Variants in TBC1D1 observed in about 807,000 individuals in gnomAD.
The protein encoded by TBC1D1 is TBC1 domain family member 1.
Under a neutral mutation model 125.6 loss-of-function variants are expected in TBC1D1, and 89 were observed. The observed-to-expected ratio is 0.71, with a 90% CI of 0.60 to 0.85. TBC1D1 has a LOEUF of 0.85. TBC1D1 is among the 40% of genes least tolerant of loss of function. TBC1D1 has a pLI of 0.00. For missense variants in TBC1D1, 1,377 were observed against 1,469.2 expected (o/e 0.94, Z 1.03); for synonymous variants, 565 against 564.1 (o/e 1.00, Z -0.02).
chr4:37,927,003 A>G (rs185807155), intron 2 of TBC1D1, among the ~76,000 whole-genome samples: 59 of 152,132 alleles, frequency 3.9e-4, no homozygotes, highest in Non-Finnish European at 5.7e-4. Context: ...TGTAACCCCA[A>G]TGTAATTCTC....
At chr4:38,077,993 G>A (rs1446851796) in intron 12 of TBC1D1, among the ~76,000 whole-genome samples, 3 of 152,132 alleles carry the variant, frequency 2.0e-5, no homozygotes, top group South Asian at 2.1e-4. Context: ...CAGACCAGAC[G>A]CTAGAGTCCA....
Position 38,095,950 on chromosome 4 carries a change from AC to A in TBC1D1, c.2259del (p.Asn753LysfsTer4). 6.2e-7 allele frequency: 1 copy of A among 1,613,800 alleles called. No homozygotes were observed. Among genetic ancestry groups the A allele is most frequent in the Non-Finnish European group, 8.5e-7 (1 of 1,179,872 alleles). On this transcript the variant is annotated frameshift_variant, in exon 14 of 20. Transcript: ENST00000261439. LOFTEE classifies it high-confidence loss of function. ...CCAGCCTCTGAAAATGATTTGCTGA[AC>A]AAGCGCCTGAAGCTCGATTATGAAG...
chr4:37,992,588 G>A (rs966815969), intron 2 of TBC1D1, among the ~76,000 whole-genome samples: 2 of 146,552 alleles, frequency 1.4e-5, no homozygotes, highest in African/African-American at 2.5e-5. Flanking sequence ...TCCGCCTCCC[G>A]GGTTCACGCC....
intron 2 of TBC1D1, among the ~76,000 whole-genome samples, chr4:37,918,913 T>C (rs1720311084): frequency 6.6e-6 from 1 of 152,208 alleles, no homozygotes; most frequent in Admixed American, 6.5e-5. Flanking sequence ...TATAACATTA[T>C]GAAAATGTTC....
chr4:37,971,731 T>G (rs1408621882), intron 2 of TBC1D1, among the ~76,000 whole-genome samples: 2 of 152,230 alleles, frequency 1.3e-5, no homozygotes, highest in South Asian at 2.1e-4. Flanking sequence ...TGGTTCTTGA[T>G]CCTGGCTGAT....
intron 1 of TBC1D1, among the ~76,000 whole-genome samples, chr4:37,900,145 A>G (rs890595028): frequency 6.6e-6 from 1 of 150,706 alleles, no homozygotes; most frequent in African/African-American, 2.5e-5. Flanking sequence ...AAAAAAAAAA[A>G]GTAAGGAAGG....
chr4:38,042,079 G>A (rs1279519144), intron 8 of TBC1D1, among the ~76,000 whole-genome samples: 2 of 151,910 alleles, frequency 1.3e-5, no homozygotes, highest in Admixed American at 1.3e-4. Flanking sequence ...GGGAGGCTGA[G>A]GCATGAGAAT....
chr4:38,047,051 C>T (rs150187876), intron 10 of TBC1D1, among the ~76,000 whole-genome samples: 15 of 152,332 alleles, frequency 9.8e-5, no homozygotes, highest in Middle Eastern at 3.4e-3. Flanking sequence ...CATACCTACA[C>T]ATTCACACAC....
chr4:38,085,333 G>A (rs1757307124), intron 12 of TBC1D1, among the ~76,000 whole-genome samples: 1 of 152,184 alleles, frequency 6.6e-6, no homozygotes, highest in Non-Finnish European at 1.5e-5. Context: ...CATAATTTAA[G>A]TGCTCCACAT....
intron 12 of TBC1D1, among the ~76,000 whole-genome samples, chr4:38,076,604 T>G (rs1225561917): frequency 6.6e-6 from 1 of 152,020 alleles, no homozygotes; most frequent in East Asian, 1.9e-4. Flanking sequence ...ACCTAGAATA[T>G]AGAATGGAAG....
chr4:38,063,880 C>T (rs578057554), intron 12 of TBC1D1, among the ~76,000 whole-genome samples: 5 of 152,318 alleles, frequency 3.3e-5, no homozygotes, highest in African/African-American at 1.2e-4. Flanking sequence ...CCTTCTGCCT[C>T]AGCCTCCCAA....
At chr4:38,060,121 A>G (rs1430568919) in intron 12 of TBC1D1, among the ~76,000 whole-genome samples, 1 of 152,136 alleles carries the variant, frequency 6.6e-6, no homozygotes, top group Non-Finnish European at 1.5e-5. Context: ...TATCTAGTCT[A>G]TCATTGATGG....
At chr4:38,075,295 C>T (rs1423640472) in intron 12 of TBC1D1, among the ~76,000 whole-genome samples, 1 of 152,180 alleles carries the variant, frequency 6.6e-6, no homozygotes, top group Non-Finnish European at 1.5e-5. Context: ...CGTCTGTTTT[C>T]ATTTTCTACT....
chr4:37,896,657 T>A (rs1164604051), intron 1 of TBC1D1, among the ~76,000 whole-genome samples: 1 of 151,944 alleles, frequency 6.6e-6, no homozygotes, highest in African/African-American at 2.4e-5. Context: ...AGTGTTTTCA[T>A]GAGGAAGTTG....
chr4:37,996,486 G>A (rs972941958), intron 2 of TBC1D1, among the ~76,000 whole-genome samples: 1 of 152,184 alleles, frequency 6.6e-6, no homozygotes, highest in Non-Finnish European at 1.5e-5. Context: ...GTGGTTACTT[G>A]GTGAGTGTAG....
At chr4:37,941,621 G>A (rs1725592051) in intron 2 of TBC1D1, among the ~76,000 whole-genome samples, 1 of 152,176 alleles carries the variant, frequency 6.6e-6, no homozygotes, top group Admixed American at 6.5e-5. Context: ...ATGTTAGGGT[G>A]TCAATTTTAG....
Position 37,892,519 on chromosome 4 carries a change from G to A in TBC1D1, c.-94+1171G>A, listed in dbSNP as rs75968870. On this transcript the variant is annotated intron_variant, in intron 1 of 19. Transcript: ENST00000261439. ...CCTGGAAGGGACTAAGTGGTTCAAA[G>A]CAGGAAATAAAATCATCAGGTGATA... 1.2e-4 allele frequency among the ~76,000 whole-genome samples: 18 copies of A among 152,292 alleles called. No homozygotes were observed. The East Asian group carries it at 1.9e-3, about 16-fold the overall frequency.
At chr4:38,076,868 CT>C (rs993616766) in intron 12 of TBC1D1, among the ~76,000 whole-genome samples, 1 of 152,086 alleles carries the variant, frequency 6.6e-6, no homozygotes. Context: ...AATTGGGCTC[CT>C]TTTCTTGAAA....
At chr4:37,961,159 T>C in intron 2 of TBC1D1, 1 of 1,089,632 alleles carries the variant, frequency 9.2e-7, no homozygotes, top group Non-Finnish European at 1.3e-6. Flanking sequence ...TGTGCATCTG[T>C]CTCAGCTGTC....
Sources: allele counts gnomAD v4.1 joint callset (sites outside exome capture counted in the v4.1 genomes callset), GRCh38; gene constraint gnomAD v4.1.1; transcripts MANE v1.5; gene names NCBI Gene and HGNC (gene_info 2026-07-23, HGNC 2026-07-21).